GPHN: variants seen among roughly 807,000 people sequenced by gnomAD.
GPHN encodes gephyrin.
GPHN carries 17 observed loss-of-function variants against 95.5 expected under a neutral mutation model. The observed-to-expected ratio is 0.18, with a 90% CI of 0.12 to 0.27. The LOEUF (loss-of-function observed/expected upper bound fraction) is 0.27. Among genes scored for constraint, GPHN ranks in the 10% least tolerant of loss-of-function variants. The pLI is 1.00. For missense variants in GPHN, 660 were observed against 978.1 expected, an observed-to-expected ratio of 0.67 and a Z score of 4.34; for synonymous variants, 320 against 322.5, an observed-to-expected ratio of 0.99 and a Z score of 0.08.
chr14:66,561,859 C>G (rs1363430409), intron 1 of GPHN, among the ~76,000 whole-genome samples: 1 of 152,050 alleles, frequency 6.6e-6, no homozygotes, highest in African/African-American at 2.4e-5. Context: ...GGCTGCATTT[C>G]TTTCTGGGGG....
the GPHN span, among the ~76,000 whole-genome samples, chr14:67,206,886 C>T: frequency 5.3e-5 from 8 of 152,130 alleles, no homozygotes; most frequent in South Asian, 8.3e-4. Flanking sequence ...GCCCACCACA[C>T]GCCCAGTTAA....
chr14:66,523,459 G>A (rs2058559549), intron 1 of GPHN, among the ~76,000 whole-genome samples: 1 of 151,902 alleles, frequency 6.6e-6, no homozygotes, highest in African/African-American at 2.4e-5. Flanking sequence ...TTATTATTTT[G>A]CTATTGTAAA....
rs60924688 is a variant in GPHN, at chr14:66,578,673, A to AG, written c.64+70083dup. Among the ~76,000 whole-genome samples, 29 of 146,668 alleles carry AG rather than the reference A, an allele frequency of 2.0e-4. No individual in the cohort carries two copies. The East Asian group carries it at 5.8e-3, about 29-fold the overall frequency. On this transcript the variant is annotated intron_variant, in intron 1 of 22. Coordinates refer to ENST00000478722, the MANE Select transcript of GPHN (RefSeq NM_020806.5). ...TAGAGTGAAAAAAAAAAAAAAAAAAAGCAAACAAAAATTTCTTGCTCAAAG... is the reference window on the plus strand; with the variant it reads ...TAGAGTGAAAAAAAAAAAAAAAAAAAGGCAAACAAAAATTTCTTGCTCAAAG...
At chr14:67,575,993 C>G in the GPHN span, 1 of 1,611,490 alleles carries the variant, frequency 6.2e-7, no homozygotes, top group Non-Finnish European at 8.5e-7. Flanking sequence ...TCATTGGCAC[C>G]AAGCATGAAA....
At chr14:66,857,627 T>A (rs899957758) in intron 4 of GPHN, among the ~76,000 whole-genome samples, 1 of 152,126 alleles carries the variant, frequency 6.6e-6, no homozygotes, top group African/African-American at 2.4e-5. Context: ...CCACCAGTCA[T>A]ACCCCAAACA....
intron 3 of GPHN, among the ~76,000 whole-genome samples, chr14:66,820,410 A>C (rs369026266): frequency 1.3e-5 from 2 of 152,164 alleles, no homozygotes; most frequent in East Asian, 3.8e-4. Flanking sequence ...CTGAAATTTT[A>C]TTAATGTCCA....
At chr14:66,873,968 C>T (rs1391718943) in intron 4 of GPHN, among the ~76,000 whole-genome samples, 1 of 152,222 alleles carries the variant, frequency 6.6e-6, no homozygotes, top group African/African-American at 2.4e-5. Flanking sequence ...GGAAACACCT[C>T]CCAGCAGGGG....
the GPHN span, among the ~76,000 whole-genome samples, chr14:67,399,631 G>C: frequency 1.4e-5 from 2 of 147,212 alleles, no homozygotes; most frequent in African/African-American, 5.2e-5. Flanking sequence ...ATAAAGAGAA[G>C]GGTAGTTTAG....
At chr14:67,547,910 G>A in the GPHN span, among the ~76,000 whole-genome samples, 1 of 152,200 alleles carries the variant, frequency 6.6e-6, no homozygotes, top group Non-Finnish European at 1.5e-5. Context: ...GGAGAGTTGA[G>A]ACTGTGCCTT....
In GPHN at chr14:66,992,272, A is replaced by T. The variant is rs949569665; in HGVS notation, c.963+26947A>T. Among the ~76,000 whole-genome samples, 29 of 152,166 alleles carry T rather than the reference A, an allele frequency of 1.9e-4. 1 individual carries two copies. The highest frequency in any genetic ancestry group is 7.0e-4 in the African/African-American group (29 of 41,458). On this transcript the variant is annotated intron_variant, in intron 9 of 22. Coordinates refer to ENST00000478722, the MANE Select transcript of GPHN (RefSeq NM_020806.5). ...TCATGAAGACAGATTACTGGCATAT[A>T]AGTGAAACTAAGATGGAAAGTGATG...
intron 7 of GPHN, among the ~76,000 whole-genome samples, chr14:66,923,173 G>A (rs541274673): frequency 7.2e-5 from 11 of 152,210 alleles, no homozygotes; most frequent in African/African-American, 2.6e-4. Context: ...GTTGCCTATT[G>A]AAGTAATAGC....
chr14:67,620,134 T>G, the GPHN span: 3 of 1,398,174 alleles, frequency 2.1e-6, no homozygotes, highest in Admixed American at 6.5e-5. Flanking sequence ...CTCCGCCCCC[T>G]AGAACCTGGA....
chr14:67,413,296 C>G, the GPHN span, among the ~76,000 whole-genome samples: 2 of 151,962 alleles, frequency 1.3e-5, no homozygotes, highest in Non-Finnish European at 1.5e-5. Flanking sequence ...GAGACAGGGT[C>G]TCACTATATT....
rs1009096318 is a variant in GPHN at position 67,058,899 on chromosome 14, C to G, written c.1144+113C>G. On this transcript the variant is annotated intron_variant, in intron 11 of 22. Coordinates refer to ENST00000478722, the MANE Select transcript of GPHN (RefSeq NM_020806.5). ...AAAGAAAGATTATTAACCATTATTACAGTTATCATCATTCTTTTTTTTTCT... is the reference window on the plus strand; with the variant it reads ...AAAGAAAGATTATTAACCATTATTAGAGTTATCATCATTCTTTTTTTTTCT... 1.2e-5 allele frequency: 11 copies of G among 941,612 alleles called. No homozygotes were observed. The East Asian group carries it at 2.6e-4, about 23-fold the overall frequency. The allele number at this position is 941,612 out of a possible 1,614,324, so 58.3% of individuals were successfully genotyped here. A position where few individuals can be genotyped will look rare whatever the true frequency, so the allele number is the denominator to read the frequency against.
intron 4 of GPHN, among the ~76,000 whole-genome samples, chr14:66,826,551 A>G (rs1334977665): frequency 1.3e-5 from 2 of 152,150 alleles, no homozygotes; most frequent in African/African-American, 4.8e-5. Context: ...CTACTTGACT[A>G]CAAAGTCAGT....
chr14:66,911,983 T>G (rs1247481766), intron 5 of GPHN, among the ~76,000 whole-genome samples: 2 of 152,110 alleles, frequency 1.3e-5, no homozygotes, highest in Non-Finnish European at 2.9e-5. Context: ...GCTTCCTTTC[T>G]TGCACCTCTC....
At chr14:67,212,962 A>T in the GPHN span, among the ~76,000 whole-genome samples, 4 of 151,856 alleles carry the variant, frequency 2.6e-5, no homozygotes, top group Non-Finnish European at 5.9e-5. Flanking sequence ...TAAGGTTTCT[A>T]TATGAGTTGT....
intron 18 of GPHN, among the ~76,000 whole-genome samples, chr14:67,148,013 G>T (rs2080998403): frequency 6.6e-6 from 1 of 151,850 alleles, no homozygotes; most frequent in Non-Finnish European, 1.5e-5. Context: ...CCTAAATTTT[G>T]GTCTGATCTT....
At chr14:66,923,227 T>A (rs578203569) in intron 7 of GPHN, among the ~76,000 whole-genome samples, 3 of 152,290 alleles carry the variant, frequency 2.0e-5, no homozygotes, top group Admixed American at 2.0e-4. Context: ...TTTGGAGATG[T>A]CATTTTTGTG....
Sources: gnomAD v4.1 joint callset for allele counts (sites outside exome capture counted in the v4.1 genomes callset) on GRCh38, gnomAD v4.1.1 for gene constraint, MANE v1.5 for transcripts, NCBI Gene and HGNC (gene_info 2026-07-23, HGNC 2026-07-21) for gene names.